Variants in CELF1 observed in about 807,000 individuals in gnomAD.
CELF1 encodes the protein CUGBP Elav-like family member 1, also known as 50 kDa nuclear polyadenylated RNA-binding protein.
A neutral mutation model predicts 61.8 loss-of-function variants in CELF1; 10 were observed. The observed-to-expected ratio is 0.16, with a 90% CI of 0.10 to 0.27. The LOEUF (loss-of-function observed/expected upper bound fraction) is 0.27. Ranked by LOEUF, CELF1 falls within the 10% of genes least tolerant of loss-of-function variation. The pLI, the probability that CELF1 is intolerant of heterozygous loss-of-function variation, is 1.00. For synonymous variants in CELF1, 236 were observed against 225.1 expected, an observed-to-expected ratio of 1.05 and a Z score of -0.43; for missense variants, 380 against 639.1, an observed-to-expected ratio of 0.59 and a Z score of 4.37.
At chr11:47,474,214 A>C (rs976823711) in intron 13 of CELF1, among the ~76,000 whole-genome samples, 1 of 151,978 alleles carries the variant, frequency 6.6e-6, no homozygotes, top group Non-Finnish European at 1.5e-5. Flanking sequence ...TGATTTTCTA[A>C]CCAAAAAGCT....
intron 1 of CELF1, chr11:47,506,959 T>C (rs1165327488): frequency 1.2e-4 from 18 of 152,296 alleles, no homozygotes; most frequent in Non-Finnish European, 4.4e-5. Context: ...TGACTCCAGA[T>C]ATATCACCTC....
In CELF1 at chr11:47,468,221, A is replaced by C. The variant is rs2076999284; in HGVS notation, c.*4009T>G. 6.6e-6 allele frequency: 1 copy of C among 152,190 alleles called. No homozygotes were observed. Among genetic ancestry groups the C allele is most frequent in the African/African-American group, 2.4e-5 (1 of 41,340 alleles). 9.4% of individuals were successfully genotyped at this position (152,190 alleles called of 1,614,324 possible). On this transcript the variant is annotated 3_prime_UTR_variant, in exon 15 of 15. Coordinates refer to ENST00000687097, the MANE Select transcript of CELF1 (RefSeq NM_001376376.1). ...CTCCAGGGAAGAACCACAAAAGAAAAAGAAAAAGAAAAAGGGCTGGCTGGG... is the reference window on the plus strand; with the variant it reads ...CTCCAGGGAAGAACCACAAAAGAAACAGAAAAAGAAAAAGGGCTGGCTGGG...
At chr11:47,552,506 A>AGTCTG (rs2097165893) in intron 1 of CELF1, among the ~76,000 whole-genome samples, 1 of 152,200 alleles carries the variant, frequency 6.6e-6, no homozygotes, top group Non-Finnish European at 1.5e-5. Context: ...GGGGCTCTCG[A>AGTCTG]GGCTCGGGAA....
intron 1 of CELF1, among the ~76,000 whole-genome samples, chr11:47,534,160 C>G (rs1169797422): frequency 1.3e-5 from 2 of 150,034 alleles, no homozygotes; most frequent in Non-Finnish European, 3.0e-5. Flanking sequence ...TCCGAAGTAG[C>G]TGAGATTACA....
chr11:47,508,556 AAATG>A (rs2094728221), intron 1 of CELF1, among the ~76,000 whole-genome samples: 1 of 129,042 alleles, frequency 7.7e-6, no homozygotes, highest in Admixed American at 8.9e-5. Context: ...AAAGAAAAAA[AAATG>A]AATTTCTTTA....
At chr11:47,530,415 T>C (rs1190073525) in intron 1 of CELF1, among the ~76,000 whole-genome samples, 1 of 152,202 alleles carries the variant, frequency 6.6e-6, no homozygotes, top group East Asian at 1.9e-4. Context: ...ACAAGATTGC[T>C]ACTGAGGACA....
At chr11:47,528,841 T>C (rs1211416765) in intron 1 of CELF1, among the ~76,000 whole-genome samples, 1 of 151,422 alleles carries the variant, frequency 6.6e-6, no homozygotes, top group Non-Finnish European at 1.5e-5. Flanking sequence ...CAGTGAGCTA[T>C]GATCACGCCA....
intron 3 of CELF1, among the ~76,000 whole-genome samples, chr11:47,495,301 A>C (rs990638753): frequency 6.6e-6 from 1 of 152,226 alleles, no homozygotes; most frequent in Non-Finnish European, 1.5e-5. Flanking sequence ...GCCACATAGT[A>C]TATGTTACCA....
At position 47,508,596 on chromosome 11, in the gene CELF1, A is replaced by G. The variant is rs140550976; in HGVS notation, c.-153-7664T>C. ...AAAAAAAAAAAAAAAACCCAAAAGA[A>G]CAAAAAAACAAAAAACCTCCACATA... On this transcript the variant is annotated intron_variant, in intron 1 of 14. Coordinates refer to ENST00000687097, the MANE Select transcript of CELF1 (RefSeq NM_001376376.1). Among the ~76,000 whole-genome samples, 72 of 151,392 alleles carry G rather than the reference A, an allele frequency of 4.8e-4. 2 individuals carry two copies. Among genetic ancestry groups the G allele is most frequent in the African/African-American group, 1.6e-3 (67 of 41,370 alleles).
At chr11:47,511,920 C>T (rs182507134) in intron 1 of CELF1, among the ~76,000 whole-genome samples, 2 of 152,298 alleles carry the variant, frequency 1.3e-5, no homozygotes, top group Non-Finnish European at 2.9e-5. Flanking sequence ...ATGATCTCGA[C>T]TCACTGCAAC....
chr11:47,483,237 C>T (rs1338359817), intron 8 of CELF1, among the ~76,000 whole-genome samples: 1 of 152,058 alleles, frequency 6.6e-6, no homozygotes, highest in Non-Finnish European at 1.5e-5. Context: ...TGCACTCCAG[C>T]CCAGGTGACA....
chr11:47,490,988 A>G (rs1242314429), intron 3 of CELF1, among the ~76,000 whole-genome samples: 5 of 151,384 alleles, frequency 3.3e-5, no homozygotes, highest in East Asian at 1.9e-4. Context: ...TAGCCTCCCA[A>G]GTAGCTGGGA....
intron 3 of CELF1, chr11:47,494,552 T>A: frequency 1.1e-6 from 1 of 899,544 alleles, no homozygotes; most frequent in Non-Finnish European, 1.3e-6. Flanking sequence ...AACACTCTCT[T>A]CTCTTTCTCC....
At chr11:47,546,971 G>A (rs1390536881) in intron 1 of CELF1, among the ~76,000 whole-genome samples, 1 of 147,052 alleles carries the variant, frequency 6.8e-6, no homozygotes, top group African/African-American at 2.5e-5. Flanking sequence ...GGAGGCTGAG[G>A]CAGGAGAATC....
chr11:47,490,425 GTTTTT>G (rs373523637), intron 3 of CELF1, among the ~76,000 whole-genome samples: 1 of 130,052 alleles, frequency 7.7e-6, no homozygotes, highest in Non-Finnish European at 1.6e-5. Flanking sequence ...CAACATGCTA[GTTTTT>G]TTTTTTTTTT....
At chr11:47,487,694 T>C (rs1701866687) in intron 4 of CELF1, among the ~76,000 whole-genome samples, 1 of 152,222 alleles carries the variant, frequency 6.6e-6, no homozygotes, top group South Asian at 2.1e-4. Context: ...GATTCTACCA[T>C]ATGCCTCAAA....
chr11:47,497,224 G>A (rs2153531058), intron 3 of CELF1, among the ~76,000 whole-genome samples: 1 of 152,322 alleles, frequency 6.6e-6, no homozygotes, highest in East Asian at 1.9e-4. Context: ...GAAGACATTT[G>A]GGGGAACAGA....
At chr11:47,490,514 C>G (rs1343417943) in intron 3 of CELF1, among the ~76,000 whole-genome samples, 1 of 150,968 alleles carries the variant, frequency 6.6e-6, no homozygotes, top group African/African-American at 2.4e-5. Context: ...GCAACCTCCT[C>G]CTCCCAGGTT....
intron 1 of CELF1, among the ~76,000 whole-genome samples, chr11:47,529,190 A>ACCTCAG (rs1382212874): frequency 1.0e-4 from 15 of 147,244 alleles, no homozygotes; most frequent in African/African-American, 3.8e-4. Context: ...TAATTATCCC[A>ACCTCAG]CCTCAGCCTC....
Sources: allele counts gnomAD v4.1 joint callset (sites outside exome capture counted in the v4.1 genomes callset), GRCh38; gene constraint gnomAD v4.1.1; transcripts MANE v1.5; gene names NCBI Gene and HGNC (gene_info 2026-07-23, HGNC 2026-07-21).